KLHL1: variants seen among roughly 807,000 people sequenced by gnomAD.
KLHL1 encodes kelch like family member 1.
In KLHL1, 47 loss-of-function variants were observed where a neutral mutation model predicts 77.7. The observed-to-expected ratio is 0.60, with a 90% CI of 0.48 to 0.77. The LOEUF (loss-of-function observed/expected upper bound fraction) is 0.77, where lower values mean the gene tolerates loss of function less well. KLHL1 is among the 30% of genes least tolerant of loss of function. The pLI is 0.00. For synonymous variants in KLHL1, 360 were observed against 325.2 expected, an observed-to-expected ratio of 1.11 and a Z score of -1.15; for missense variants, 925 against 910.8, an observed-to-expected ratio of 1.02 and a Z score of -0.20.
chr13:69,799,610 A>G (rs1004059684), intron 6 of KLHL1, among the ~76,000 whole-genome samples: 5 of 152,214 alleles, frequency 3.3e-5, no homozygotes, highest in Admixed American at 6.5e-5. Context: ...GGCTACTGTT[A>G]AGAATATTTC....
At chr13:69,924,759 C>G (rs1882759797) in intron 4 of KLHL1, among the ~76,000 whole-genome samples, 1 of 152,156 alleles carries the variant, frequency 6.6e-6, no homozygotes, top group Non-Finnish European at 1.5e-5. Flanking sequence ...GGAGCCCAGA[C>G]CTAAGAGCTC....
At chr13:70,105,774 T>C (rs1224680932) in intron 1 of KLHL1, among the ~76,000 whole-genome samples, 1 of 151,078 alleles carries the variant, frequency 6.6e-6, no homozygotes, top group Non-Finnish European at 1.5e-5. Flanking sequence ...ATAGTATTCA[T>C]AGTACCTAAC....
intron 6 of KLHL1, among the ~76,000 whole-genome samples, chr13:69,812,104 C>A (rs2138063704): frequency 6.6e-6 from 1 of 152,066 alleles, no homozygotes; most frequent in East Asian, 1.9e-4. Context: ...TATGTTGTGT[C>A]TTTGTTCTCG....
chr13:69,821,384 G>T (rs1878330111), intron 6 of KLHL1, among the ~76,000 whole-genome samples: 1 of 151,698 alleles, frequency 6.6e-6, no homozygotes, highest in African/African-American at 2.4e-5. Context: ...GCCTGATCTT[G>T]GCTCACTACA....
chr13:69,746,733 C>T (rs1874231658), intron 7 of KLHL1, among the ~76,000 whole-genome samples: 1 of 151,788 alleles, frequency 6.6e-6, no homozygotes, highest in Non-Finnish European at 1.5e-5. Flanking sequence ...GTTTGTCAAA[C>T]AGGTAGTCAG....
intron 6 of KLHL1, among the ~76,000 whole-genome samples, chr13:69,816,082 A>G (rs1878109639): frequency 6.6e-6 from 1 of 151,890 alleles, no homozygotes; most frequent in Non-Finnish European, 1.5e-5. Context: ...ATATCAGAAA[A>G]TTTACTTAGG....
At chr13:69,981,113 T>C (rs1884691111) in intron 1 of KLHL1, among the ~76,000 whole-genome samples, 3 of 152,134 alleles carry the variant, frequency 2.0e-5, no homozygotes, top group Non-Finnish European at 4.4e-5. Context: ...ATCAAATAGT[T>C]TCCAGAGCTC....
chr13:70,067,364 T>C (rs1222033491), intron 1 of KLHL1, among the ~76,000 whole-genome samples: 1 of 152,212 alleles, frequency 6.6e-6, no homozygotes, highest in African/African-American at 2.4e-5. Context: ...TCCATTCTTA[T>C]TTTATATTGA....
intron 1 of KLHL1, among the ~76,000 whole-genome samples, chr13:70,046,791 G>T (rs1441552): frequency 6.6e-6 from 1 of 151,936 alleles, no homozygotes; most frequent in Non-Finnish European, 1.5e-5. Context: ...TGGAATTAAA[G>T]GCCCTTACAC....
Position 69,707,687 on chromosome 13 carries a change from C to G in KLHL1, c.2125G>C (p.Asp709His), listed in dbSNP as rs1480299542. Residue 709 changes from aspartate (D) to histidine (H), a missense_variant, in exon 10 of 11, where the codon GAT (aspartate) becomes CAT (histidine). Transcript: ENST00000377844. ...ATAGTGTTGAGGTATGTCTGTCCAT[C>G]ATAGCCACCAACAGCATATAATCTG... is the stretch of plus-strand genomic sequence containing the variant. ...GDRLYAVGGYDGQTYLNTMES... is the reference protein window; with the variant it reads ...GDRLYAVGGYHGQTYLNTMES... 1 of 1,612,680 alleles carries G rather than the reference C, an allele frequency of 6.2e-7. No individual in the cohort carries two copies. The highest frequency in any genetic ancestry group is 8.5e-7 in the Non-Finnish European group (1 of 1,179,198).
intron 4 of KLHL1, among the ~76,000 whole-genome samples, chr13:69,927,969 T>C (rs938860378): frequency 7.2e-5 from 11 of 152,180 alleles, no homozygotes; most frequent in Admixed American, 7.2e-4. Context: ...CTCACAGGAT[T>C]AACAAGAATG....
intron 4 of KLHL1, among the ~76,000 whole-genome samples, chr13:69,915,352 G>A (rs1018797675): frequency 1.3e-5 from 2 of 152,134 alleles, no homozygotes; most frequent in African/African-American, 4.8e-5. Flanking sequence ...ATACTACAAG[G>A]CTACAGTAAC....
chr13:69,740,331 C>T, intron 8 of KLHL1, 63 bp downstream of exon 8: 2 of 1,132,062 alleles, frequency 1.8e-6, no homozygotes, highest in East Asian at 5.2e-5. Flanking sequence ...ACTTATTTTT[C>T]AAATAATATT....
intron 1 of KLHL1, among the ~76,000 whole-genome samples, chr13:70,097,797 CT>C (rs991961959): frequency 2.0e-5 from 3 of 151,586 alleles, no homozygotes; most frequent in African/African-American, 4.8e-5. Context: ...AAGAGTTCCC[CT>C]GATACTGTTC....
intron 1 of KLHL1, among the ~76,000 whole-genome samples, chr13:70,073,843 G>A (rs1427384684): frequency 6.9e-6 from 1 of 144,638 alleles, no homozygotes; most frequent in Non-Finnish European, 1.5e-5. Flanking sequence ...TTTTTTTTTT[G>A]AGATGGAGTC....
intron 1 of KLHL1, among the ~76,000 whole-genome samples, chr13:70,055,504 CACAG>C (rs1213307167): frequency 9.2e-5 from 14 of 152,000 alleles, no homozygotes; most frequent in South Asian, 4.1e-4. Context: ...ACAGTAAATA[CACAG>C]ACAAATACAA....
At chr13:70,008,579 A>G (rs1885459395) in intron 1 of KLHL1, among the ~76,000 whole-genome samples, 1 of 152,054 alleles carries the variant, frequency 6.6e-6, no homozygotes, top group Non-Finnish European at 1.5e-5. Context: ...TTATCTTAGT[A>G]TCTCTCCTAT....
intron 8 of KLHL1, among the ~76,000 whole-genome samples, chr13:69,729,621 T>G (rs1447899957): frequency 6.6e-6 from 1 of 152,136 alleles, no homozygotes; most frequent in Non-Finnish European, 1.5e-5. Context: ...AAGGTCATTT[T>G]CTAATGATTA....
chr13:69,785,082 C>T (rs866731391), intron 7 of KLHL1, among the ~76,000 whole-genome samples: 71 of 151,088 alleles, frequency 4.7e-4, no homozygotes, highest in South Asian at 2.7e-3. Flanking sequence ...TTAGTAGAGA[C>T]GGGGTTTCAC....
Sources: gnomAD v4.1 joint callset for allele counts (sites outside exome capture counted in the v4.1 genomes callset) on GRCh38, gnomAD v4.1.1 for gene constraint, MANE v1.5 for transcripts, NCBI Gene and HGNC (gene_info 2026-07-23, HGNC 2026-07-21) for gene names.